The following SSH1 variants were observed in gnomAD, a reference collection of about 807,000 sequenced individuals.
SSH1 encodes the protein slingshot protein phosphatase 1.
A neutral mutation model predicts 79.7 loss-of-function variants in SSH1; 43 were observed. The observed-to-expected ratio is 0.54, with a 90% confidence interval of 0.42 to 0.70. The LOEUF (loss-of-function observed/expected upper bound fraction) is 0.70. Ranked by LOEUF, SSH1 falls within the 30% of genes least tolerant of loss-of-function variation. The probability of loss-of-function intolerance (pLI) is 0.00; values close to 1 mark genes in which losing one functional copy is unlikely to be tolerated. For synonymous variants in SSH1, 599 were observed against 538.3 expected, an observed-to-expected ratio of 1.11 and a Z score of -1.56; for missense variants, 1,206 against 1,358.8, an observed-to-expected ratio of 0.89 and a Z score of 1.77.
In SSH1 at chr12:108,781,546, G is replaced by C. The variant is rs1003727019; in HGVS notation, c.*6442C>G. On this transcript the variant is annotated 3_prime_UTR_variant, in exon 15 of 15. Transcript: ENST00000326495. ...GTCTTTTGAGTCCAGTTGAGAGACA[G>C]AGCAAGTCCAGATGAACTGAACAAA... 6.6e-6 allele frequency: 1 copy of C among 152,236 alleles called. No individual in the cohort carries two copies. Among genetic ancestry groups the C allele is most frequent in the Non-Finnish European group, 1.5e-5 (1 of 68,046 alleles). The allele number at this position is 152,236 out of a possible 1,614,324, so 9.4% of individuals were successfully genotyped here.
chr12:108,834,151 AAC>A (rs959794444), intron 2 of SSH1: 15 of 152,250 alleles, frequency 9.9e-5, no homozygotes, highest in African/African-American at 3.6e-4. Context: ...CAGAATAAAA[AAC>A]CATTCTTGTA....
intron 14 of SSH1, 65 bp downstream of exon 14, chr12:108,792,221 G>A (rs1565969192): frequency 1.2e-6 from 2 of 1,613,082 alleles, no homozygotes; most frequent in Admixed American, 1.7e-5. Flanking sequence ...AGAGGCTGAG[G>A]TAGGCCAATT....
intron 14 of SSH1, 26 bp downstream of exon 14, chr12:108,792,260 C>G (rs1160564259): frequency 2.5e-6 from 4 of 1,614,158 alleles, no homozygotes; most frequent in Non-Finnish European, 1.7e-6. Context: ...TGGGGTGTGC[C>G]ACCCTGCAGG....
intron 2 of SSH1, among the ~76,000 whole-genome samples, chr12:108,851,490 T>A (rs2039038785): frequency 6.6e-6 from 1 of 152,184 alleles, no homozygotes; most frequent in South Asian, 2.1e-4. Flanking sequence ...TGAAAATTTA[T>A]TTACTTTTTT....
In SSH1 at chr12:108,807,649, CG is replaced by C; in HGVS notation, c.714del (p.Ala239ArgfsTer25). On this transcript the variant is annotated frameshift_variant, in exon 8 of 15. Transcript: ENST00000326495. LOFTEE classifies it high-confidence loss of function. The surrounding 1 kb of genome is among the most constrained non-coding windows in gnomAD (Gnocchi z 5.2). ...CTCACTTACTTGTCCACAAATAGCG[CG>C]GGGGAGTCGGGCCGCGTAGACTCCA... ...QDLESTRPDS[P>X]ALFVDKPTEG... The C allele has an allele frequency of 6.2e-7, 1 of 1,612,692 alleles. No homozygotes were observed. Among genetic ancestry groups the C allele is most frequent in the Non-Finnish European group, 8.5e-7 (1 of 1,179,290 alleles).
chr12:108,799,066 C>A lies in SSH1; in HGVS notation c.1283G>T (p.Ser428Ile). 1 of 1,614,164 alleles carries A rather than the reference C, an allele frequency of 6.2e-7. No individual in the cohort carries two copies. Among genetic ancestry groups the A allele is most frequent in the Non-Finnish European group, 8.5e-7 (1 of 1,180,052 alleles). ...KAYNYVKQKR[S>I]ITRPNAGFMR... ...AAAGCCCGCGTTGGGGCGCGTGATG[C>A]TGCGCTTCTGCTTTACATAGTTATA... The change falls in exon 13 of 15, where the codon AGC becomes ATC. Residue 428 changes from serine to isoleucine, a missense_variant. Around this residue, in one of 5 missense-constraint regions of SSH1, gnomAD observed 166 missense variants for 262.9 expected, o/e 0.63. Transcript: ENST00000326495.
chr12:108,798,572 C>T (rs1007751123), intron 13 of SSH1, among the ~76,000 whole-genome samples: 2 of 146,164 alleles, frequency 1.4e-5, no homozygotes, highest in Non-Finnish European at 3.0e-5. Flanking sequence ...CCTGACTTGC[C>T]CTGCTCATCA....
chr12:108,811,588 C>A, intron 5 of SSH1: 1 of 517,146 alleles, frequency 1.9e-6, no homozygotes, highest in South Asian at 2.0e-5. Flanking sequence ...AGGGAGGCAG[C>A]TGCCCAGGGC....
intron 14 of SSH1, among the ~76,000 whole-genome samples, chr12:108,789,818 G>C (rs2036427265): frequency 6.6e-6 from 1 of 152,118 alleles, no homozygotes; most frequent in African/African-American, 2.4e-5. Context: ...CTGTAGGCTG[G>C]AGGGCAGGAC....
At chr12:108,852,830 A>C in intron 1 of SSH1, 152 bp from the exon 2 acceptor site, 1 of 1,541,134 alleles carries the variant, frequency 6.5e-7, no homozygotes, top group Non-Finnish European at 8.7e-7. Flanking sequence ...TTCCTCACCA[A>C]TCCCGGTCTG....
intron 1 of SSH1, among the ~76,000 whole-genome samples, chr12:108,854,682 C>G (rs967580387): frequency 1.3e-5 from 2 of 152,268 alleles, no homozygotes; most frequent in Middle Eastern, 3.4e-3. Context: ...ATTTAACTCT[C>G]GGTCACTCTC....
intron 2 of SSH1, among the ~76,000 whole-genome samples, chr12:108,845,144 G>A (rs780202614): frequency 2.7e-5 from 4 of 150,814 alleles, no homozygotes; most frequent in Non-Finnish European, 5.9e-5. Context: ...AGGAGGCAGA[G>A]GCTGCAGTGA....
intron 2 of SSH1, 118 bp downstream of exon 2, chr12:108,852,520 G>T: frequency 7.8e-7 from 1 of 1,289,996 alleles, no homozygotes; most frequent in Non-Finnish European, 1.1e-6. Flanking sequence ...GTGACCCACC[G>T]CACCCAGCCC....
chr12:108,815,479 G>A (rs1450086057), intron 5 of SSH1, among the ~76,000 whole-genome samples: 4 of 152,228 alleles, frequency 2.6e-5, no homozygotes, highest in Non-Finnish European at 4.4e-5. Flanking sequence ...ACTTGCGAGG[G>A]AAGTCCCTGC....
intron 13 of SSH1, among the ~76,000 whole-genome samples, chr12:108,795,161 T>A (rs1199629033): frequency 6.6e-6 from 1 of 152,066 alleles, no homozygotes; most frequent in African/African-American, 2.4e-5. Context: ...CAAATAAACC[T>A]CCTAAAATGA....
chr12:108,847,582 C>T (rs199778702), intron 2 of SSH1, among the ~76,000 whole-genome samples: 3 of 152,196 alleles, frequency 2.0e-5, no homozygotes, highest in Middle Eastern at 3.4e-3. Context: ...CTCAGCCTCC[C>T]GAGTAGCTGG....
intron 14 of SSH1, 194 bp downstream of exon 14, chr12:108,792,092 C>T: frequency 6.8e-7 from 1 of 1,465,070 alleles, no homozygotes; most frequent in African/African-American, 1.4e-5. Context: ...ACGTACCCAC[C>T]AGCAGAATCA....
At chr12:108,851,012 C>T (rs542055016) in intron 2 of SSH1, among the ~76,000 whole-genome samples, 2 of 152,028 alleles carry the variant, frequency 1.3e-5, no homozygotes, top group African/African-American at 4.8e-5. Flanking sequence ...ATCTGCAACT[C>T]GGCCCATGAC....
At chr12:108,804,965 CT>C (rs915312951) in intron 10 of SSH1, 90 bp downstream of exon 10, 9 of 1,546,778 alleles carry the variant, frequency 5.8e-6, no homozygotes, top group South Asian at 1.2e-5. Flanking sequence ...TTTTTGCCTG[CT>C]TTTTCTCCCG....
Sources: gnomAD v4.1 joint callset for allele counts (sites outside exome capture counted in the v4.1 genomes callset) on GRCh38, gnomAD v4.1.1 for gene constraint, gnomAD v4.1.1 regional missense constraint, Gnocchi (gnomAD v3.1) non-coding constraint, MANE v1.5 for transcripts, NCBI Gene and HGNC (gene_info 2026-07-23, HGNC 2026-07-21) for gene names.